Variants in CMSS1 observed in about 807,000 individuals in gnomAD.
CMSS1 encodes the protein protein CMSS1.
Under a neutral mutation model 43.5 loss-of-function variants are expected in CMSS1, and 33 were observed. The observed-to-expected ratio is 0.76, with a 90% confidence interval of 0.57 to 1.01. The LOEUF (loss-of-function observed/expected upper bound fraction) is 1.01. CMSS1 is among the 50% of genes least tolerant of loss of function. The probability of loss-of-function intolerance (pLI) is 0.00; values close to 1 mark genes in which losing one functional copy is unlikely to be tolerated. For synonymous variants in CMSS1, 115 were observed against 117.2 expected (o/e 0.98, Z 0.12); for missense variants, 313 against 326.4 (o/e 0.96, Z 0.32).
At chr3:100,031,744 G>A (rs1365439999) in intron 1 of CMSS1, among the ~76,000 whole-genome samples, 3 of 152,070 alleles carry the variant, frequency 2.0e-5, no homozygotes, top group Non-Finnish European at 2.9e-5. Flanking sequence ...TGTATTTTAC[G>A]TTTATTTGCC....
At chr3:100,104,583 C>T (rs937148969) in intron 1 of CMSS1, among the ~76,000 whole-genome samples, 2 of 152,120 alleles carry the variant, frequency 1.3e-5, no homozygotes, top group Non-Finnish European at 1.5e-5. Context: ...AGAGAAGAAC[C>T]GAGTACAGAT....
At chr3:100,083,741 G>C (rs530688085) in intron 1 of CMSS1, among the ~76,000 whole-genome samples, 3 of 151,854 alleles carry the variant, frequency 2.0e-5, no homozygotes, top group Non-Finnish European at 4.4e-5. Flanking sequence ...CCATTTCTTT[G>C]TTTGTTTGTT....
chr3:100,068,186 A>G (rs148807329), intron 1 of CMSS1, among the ~76,000 whole-genome samples: 2,416 of 152,338 alleles, frequency 0.016, 60 homozygotes, highest in African/African-American at 0.054. Flanking sequence ...CAAATTGGCA[A>G]ATTTTTTAAT....
At chr3:99,819,548 T>C (rs559243805) in intron 1 of CMSS1, among the ~76,000 whole-genome samples, 56 of 152,240 alleles carry the variant, frequency 3.7e-4, no homozygotes, top group African/African-American at 1.3e-3. Flanking sequence ...TTTGTATAGG[T>C]GAAGAAACAG....
At chr3:99,835,542 T>C (rs902016968) in intron 1 of CMSS1, among the ~76,000 whole-genome samples, 1 of 152,228 alleles carries the variant, frequency 6.6e-6, no homozygotes, top group Non-Finnish European at 1.5e-5. Context: ...ACCATGGTTC[T>C]TAAATTTTAT....
chr3:100,009,545 C>G (rs1193610242), intron 1 of CMSS1, among the ~76,000 whole-genome samples: 2 of 152,178 alleles, frequency 1.3e-5, no homozygotes, highest in African/African-American at 4.8e-5. Context: ...AGCCTTTTCA[C>G]TTGATAGACC....
chr3:99,981,445 C>T (rs1709121022), intron 1 of CMSS1, among the ~76,000 whole-genome samples: 1 of 152,176 alleles, frequency 6.6e-6, no homozygotes, highest in Admixed American at 6.5e-5. Context: ...TCCTGTTTCT[C>T]TGGCCACTCT....
intron 4 of CMSS1, among the ~76,000 whole-genome samples, chr3:100,165,206 A>T (rs1035530871): frequency 2.0e-5 from 3 of 152,196 alleles, no homozygotes; most frequent in African/African-American, 7.2e-5. Flanking sequence ...AAAGACCACC[A>T]AAGGCTCCAC....
intron 1 of CMSS1, among the ~76,000 whole-genome samples, chr3:100,027,122 A>T (rs1459304340): frequency 1.3e-5 from 2 of 152,056 alleles, no homozygotes; most frequent in Non-Finnish European, 2.9e-5. Flanking sequence ...ACGCTATCTA[A>T]ACTTACACAC....
chr3:100,005,452 C>A (rs1709961129), intron 1 of CMSS1, among the ~76,000 whole-genome samples: 1 of 152,176 alleles, frequency 6.6e-6, no homozygotes, highest in Non-Finnish European at 1.5e-5. Context: ...GGGTTCCACC[C>A]AAGACCTACT....
At chr3:100,023,579 G>A (rs1576649173) in intron 1 of CMSS1, 1 of 152,678 alleles carries the variant, frequency 6.5e-6, no homozygotes. Flanking sequence ...TTTGTAAACA[G>A]ATCTGGCTTT....
chr3:100,061,712 G>A (rs184830268), intron 1 of CMSS1, among the ~76,000 whole-genome samples: 332 of 152,046 alleles, frequency 2.2e-3, no homozygotes, highest in Non-Finnish European at 3.0e-3. Context: ...CACTACCTCC[G>A]AGGTGCATGT....
chr3:100,091,562 C>A (rs1017153983), intron 1 of CMSS1, among the ~76,000 whole-genome samples: 1 of 152,174 alleles, frequency 6.6e-6, no homozygotes, highest in African/African-American at 2.4e-5. Context: ...TATTCTGTCA[C>A]CAAAAGTGTA....
At position 99,850,715 on chromosome 3, in the gene CMSS1, G is replaced by A. The variant is rs780616225; in HGVS notation, c.64+32672G>A. ...GCTGCCAGCTTTTGTTGAAGCTGGC[G>A]ATTTTGACTGTCCTCATTGGTGAGC... is the stretch of plus-strand genomic sequence containing the variant. On this transcript the variant is annotated intron_variant, in intron 1 of 9. Coordinates refer to ENST00000421999, the MANE Select transcript of CMSS1 (RefSeq NM_032359.4). The A allele has an allele frequency of 4.3e-6, 7 of 1,614,020 alleles. No individual in the cohort carries two copies. In the East Asian group the frequency reaches 6.7e-5, roughly 15 times the overall value.
chr3:99,958,203 C>CATCATT (rs1708390233), intron 1 of CMSS1, among the ~76,000 whole-genome samples: 4 of 132,708 alleles, frequency 3.0e-5, no homozygotes, highest in Non-Finnish European at 6.4e-5. Context: ...GCCCTGCATG[C>CATCATT]ATTATTATTA....
At chr3:99,951,149 C>A (rs923996398) in intron 1 of CMSS1, among the ~76,000 whole-genome samples, 9 of 152,182 alleles carry the variant, frequency 5.9e-5, no homozygotes, top group African/African-American at 1.9e-4. Flanking sequence ...ACTGCTTGGG[C>A]CTCTTCCCTC....
At chr3:99,850,767 G>T in intron 1 of CMSS1, 1 of 1,614,154 alleles carries the variant, frequency 6.2e-7, no homozygotes, top group South Asian at 1.1e-5. Flanking sequence ...CTTGGTCTTG[G>T]TGAAACTTTG....
At chr3:99,982,086 C>T (rs948526690) in intron 1 of CMSS1, among the ~76,000 whole-genome samples, 6 of 151,768 alleles carry the variant, frequency 4.0e-5, no homozygotes, top group African/African-American at 7.3e-5. Flanking sequence ...ACTTTTGTGA[C>T]GGTTGTTAGT....
intron 6 of CMSS1, among the ~76,000 whole-genome samples, chr3:100,168,700 A>G (rs2067084422): frequency 6.6e-6 from 1 of 151,710 alleles, no homozygotes; most frequent in South Asian, 2.1e-4. Context: ...TAGCCTTCAG[A>G]TTTCACACAT....
Sources: allele counts gnomAD v4.1 joint callset (sites outside exome capture counted in the v4.1 genomes callset), GRCh38; gene constraint gnomAD v4.1.1; transcripts MANE v1.5; gene names NCBI Gene and HGNC (gene_info 2026-07-23, HGNC 2026-07-21).